GABRA2: variants seen among roughly 807,000 people sequenced by gnomAD.
The protein encoded by GABRA2 is gamma-aminobutyric acid type A receptor subunit alpha2.
Under a neutral mutation model 48.7 loss-of-function variants are expected in GABRA2, and 16 were observed. That is an observed-to-expected ratio of 0.33 (90% CI 0.22 to 0.50). GABRA2 has a LOEUF of 0.50. Among genes scored for constraint, GABRA2 ranks in the 20% least tolerant of loss-of-function variants. The probability of loss-of-function intolerance (pLI) is 0.98; values close to 1 mark genes in which losing one functional copy is unlikely to be tolerated. For synonymous variants in GABRA2, 185 were observed against 184.5 expected (o/e 1.00, Z -0.02); for missense variants, 275 against 535.6 (o/e 0.51, Z 4.80).
At chr4:46,290,380 A>T (rs1175468862) in intron 8 of GABRA2, among the ~76,000 whole-genome samples, 1 of 151,696 alleles carries the variant, frequency 6.6e-6, no homozygotes, top group East Asian at 1.9e-4. Context: ...CTGTTTTAAC[A>T]GTATTAAATC....
chr4:46,248,337 A>T lies in GABRA2; in HGVS notation c.*1971T>A, dbSNP rs1714092976. The T allele has an allele frequency of 6.6e-6, 1 of 151,390 alleles. No individual in the cohort carries two copies. Among genetic ancestry groups the T allele is most frequent in the Non-Finnish European group, 1.5e-5 (1 of 67,584 alleles). The allele number at this position is 151,390 out of a possible 1,614,324, so 9.4% of individuals were successfully genotyped here. On this transcript the variant is annotated 3_prime_UTR_variant, in exon 10 of 10. Coordinates refer to ENST00000381620, the MANE Select transcript of GABRA2 (RefSeq NM_000807.4). The stretch of plus-strand genomic sequence containing the variant: ...ATACAGAAGAGCTATGCTATATTTA[A>T]ATGTATAAGAAAATAGGATATCTTC...
intron 9 of GABRA2, among the ~76,000 whole-genome samples, chr4:46,256,990 G>A (rs1413315956): frequency 6.6e-6 from 1 of 151,544 alleles, no homozygotes; most frequent in East Asian, 1.9e-4. Flanking sequence ...AGAATTGAAA[G>A]CAATCTCAAG....
intron 3 of GABRA2, among the ~76,000 whole-genome samples, chr4:46,339,008 G>C (rs977730641): frequency 9.9e-5 from 15 of 151,820 alleles, no homozygotes; most frequent in African/African-American, 3.6e-4. Flanking sequence ...GTTCATTATG[G>C]ATGGGTATAT....
intron 3 of GABRA2, chr4:46,368,813 A>C: frequency 2.4e-6 from 1 of 417,826 alleles, no homozygotes; most frequent in Non-Finnish European, 4.3e-6. Flanking sequence ...CTCTGATTTT[A>C]AATACTTATG....
chr4:46,283,782 C>T (rs1262576250), intron 8 of GABRA2, among the ~76,000 whole-genome samples: 3 of 152,138 alleles, frequency 2.0e-5, no homozygotes, highest in African/African-American at 7.2e-5. Context: ...TTTTTTGAGA[C>T]GGAGTCTCAC....
At chr4:46,307,608 G>T (rs1379727198) in intron 6 of GABRA2, among the ~76,000 whole-genome samples, 1 of 152,028 alleles carries the variant, frequency 6.6e-6, no homozygotes, top group East Asian at 1.9e-4. Context: ...TCCAGGACCT[G>T]CTACAGTGCC....
intron 3 of GABRA2, among the ~76,000 whole-genome samples, chr4:46,334,494 C>T (rs1481534528): frequency 6.6e-6 from 1 of 152,124 alleles, no homozygotes; most frequent in East Asian, 1.9e-4. Context: ...GTGAAGGTAG[C>T]TTTTACCCTA....
intron 8 of GABRA2, among the ~76,000 whole-genome samples, chr4:46,292,986 G>A (rs949037660): frequency 6.6e-6 from 1 of 152,198 alleles, no homozygotes; most frequent in Non-Finnish European, 1.5e-5. Context: ...CAGGGGTAAA[G>A]TAGTGGCACT....
intron 3 of GABRA2, among the ~76,000 whole-genome samples, chr4:46,375,127 G>T (rs1418778527): frequency 2.0e-5 from 3 of 151,962 alleles, no homozygotes; most frequent in African/African-American, 7.2e-5. Flanking sequence ...TACCACTAAT[G>T]CTAATTACTT....
At chr4:46,372,186 T>C (rs1714999040) in intron 3 of GABRA2, among the ~76,000 whole-genome samples, 1 of 152,172 alleles carries the variant, frequency 6.6e-6, no homozygotes, top group Admixed American at 6.5e-5. Context: ...GCTTACTGAT[T>C]ATCAAATACA....
At chr4:46,381,162 C>T (rs556967179) in intron 3 of GABRA2, among the ~76,000 whole-genome samples, 1 of 152,182 alleles carries the variant, frequency 6.6e-6, no homozygotes, top group Non-Finnish European at 1.5e-5. Context: ...AGTTGTTACT[C>T]TTGATCATGT....
chr4:46,277,968 T>C (rs998350266), intron 8 of GABRA2, among the ~76,000 whole-genome samples: 1 of 152,246 alleles, frequency 6.6e-6, no homozygotes. Context: ...AATCTATATC[T>C]ACTTATCTAT....
intron 8 of GABRA2, among the ~76,000 whole-genome samples, chr4:46,265,121 C>A (rs1307142887): frequency 6.7e-6 from 1 of 150,100 alleles, no homozygotes. Flanking sequence ...CTGCAACCTG[C>A]ACCTCCTGGG....
At chr4:46,255,286 CAAG>C (rs1319974155) in intron 9 of GABRA2, among the ~76,000 whole-genome samples, 16 of 150,976 alleles carry the variant, frequency 1.1e-4, no homozygotes, top group African/African-American at 3.4e-4. Flanking sequence ...TAAAGTGTAA[CAAG>C]ATAATATGTC....
At chr4:46,269,544 T>C (rs1158652228) in intron 8 of GABRA2, among the ~76,000 whole-genome samples, 2 of 151,878 alleles carry the variant, frequency 1.3e-5, no homozygotes, top group Non-Finnish European at 2.9e-5. Flanking sequence ...AGTTTCATAA[T>C]TCAATTTGAA....
intron 5 of GABRA2, among the ~76,000 whole-genome samples, chr4:46,312,175 T>C (rs1037322221): frequency 5.9e-5 from 9 of 152,304 alleles, no homozygotes; most frequent in African/African-American, 1.7e-4. Context: ...GATATTAAAA[T>C]TATATGTTGA....
chr4:46,328,942 A>AT (rs960658059), intron 4 of GABRA2, among the ~76,000 whole-genome samples: 4 of 152,008 alleles, frequency 2.6e-5, no homozygotes, highest in Admixed American at 2.0e-4. Flanking sequence ...TAAAATGTAT[A>AT]TTTTTTTAAT....
chr4:46,326,597 C>A (rs573380293), intron 4 of GABRA2, among the ~76,000 whole-genome samples: 1 of 151,022 alleles, frequency 6.6e-6, no homozygotes, highest in South Asian at 2.1e-4. Context: ...TCAGTCTCTT[C>A]TTCCATTTTT....
At chr4:46,319,602 A>G (rs553959336) in intron 4 of GABRA2, among the ~76,000 whole-genome samples, 254 of 151,870 alleles carry the variant, frequency 1.7e-3, no homozygotes, top group Non-Finnish European at 3.1e-3. Flanking sequence ...ACAGATCAGC[A>G]AAGGGCCAGT....
Sources: allele counts gnomAD v4.1 joint callset (sites outside exome capture counted in the v4.1 genomes callset), GRCh38; gene constraint gnomAD v4.1.1; transcripts MANE v1.5; gene names NCBI Gene and HGNC (gene_info 2026-07-23, HGNC 2026-07-21).